The following NEK11 variants were observed in gnomAD, a reference collection of about 807,000 sequenced individuals.
NEK11 encodes serine/threonine-protein kinase Nek11.
Under a neutral mutation model 80.7 loss-of-function variants are expected in NEK11, and 72 were observed. The ratio of observed to expected loss-of-function variants is 0.89; its 90% CI spans 0.74 to 1.08. NEK11 has a LOEUF of 1.08. NEK11 is among the 50% of genes least tolerant of loss of function. The probability of loss-of-function intolerance (pLI) is 0.00; values close to 1 mark genes in which losing one functional copy is unlikely to be tolerated. For synonymous variants in NEK11, 251 were observed against 260.7 expected (o/e 0.96, Z 0.36); for missense variants, 764 against 763.6 (o/e 1.00, Z -0.01).
chr3:131,093,208 T>C (rs2076968726), intron 4 of NEK11, among the ~76,000 whole-genome samples: 2 of 152,202 alleles, frequency 1.3e-5, no homozygotes, highest in Non-Finnish European at 2.9e-5. Flanking sequence ...AAGGGTCCAT[T>C]ATTGAATCAT....
At chr3:131,265,246 A>G (rs1581113226) in intron 16 of NEK11, among the ~76,000 whole-genome samples, 2 of 152,106 alleles carry the variant, frequency 1.3e-5, no homozygotes, top group African/African-American at 4.8e-5. Context: ...TACTTCCAAT[A>G]CTATGTTGAA....
chr3:131,152,291 C>A, intron 7 of NEK11, 97 bp from the exon 8 acceptor site: 1 of 1,026,052 alleles, frequency 9.7e-7, no homozygotes, highest in Non-Finnish European at 1.4e-6. Context: ...GTTTGTGCCT[C>A]ACAGCCAATG....
intron 5 of NEK11, among the ~76,000 whole-genome samples, chr3:131,130,052 A>G (rs1221633471): frequency 2.0e-5 from 3 of 152,172 alleles, no homozygotes; most frequent in African/African-American, 7.2e-5. Context: ...TATTGAGTCT[A>G]CCTATCCATG....
intron 17 of NEK11, among the ~76,000 whole-genome samples, chr3:131,348,676 C>G (rs770877227): frequency 7.3e-5 from 11 of 150,608 alleles, no homozygotes; most frequent in South Asian, 4.2e-4. Context: ...AATAAACATA[C>G]TAGATATGGC....
intron 5 of NEK11, among the ~76,000 whole-genome samples, chr3:131,117,632 G>A (rs906735466): frequency 6.6e-6 from 1 of 152,052 alleles, no homozygotes; most frequent in Admixed American, 6.5e-5. Context: ...CCATTTCTTT[G>A]TGTCCTCTTT....
At chr3:131,148,155 G>A (rs758976705) in intron 7 of NEK11, among the ~76,000 whole-genome samples, 93 of 151,650 alleles carry the variant, frequency 6.1e-4, no homozygotes, top group Non-Finnish European at 1.0e-3. Flanking sequence ...TTTCTATAAT[G>A]AGATATATTT....
At chr3:131,123,299 TG>T (rs1431396516) in intron 5 of NEK11, among the ~76,000 whole-genome samples, 4 of 152,272 alleles carry the variant, frequency 2.6e-5, no homozygotes, top group African/African-American at 9.6e-5. Flanking sequence ...CCCAAGTAGC[TG>T]GGATTACAGG....
Position 131,162,257 on chromosome 3 carries a change from A to G in NEK11, c.963-151A>G, listed in dbSNP as rs1579342139. The G allele has an allele frequency of 3.5e-6, 3 of 865,458 alleles. No individual in the cohort carries two copies. In the African/African-American group the frequency reaches 5.1e-5, roughly 15 times the overall value. The allele number at this position is 865,458 out of a possible 1,614,324, so 53.6% of individuals were successfully genotyped here. ...TATTAACTACAGTCCTGGTTGGCTC[A>G]TTACATACCCAAAGCTTATTAGTTT... On this transcript the variant is annotated intron_variant, in intron 10 of 17. Coordinates refer to ENST00000383366, the MANE Select transcript of NEK11 (RefSeq NM_024800.5).
chr3:131,063,211 G>C (rs1317287861), intron 3 of NEK11, among the ~76,000 whole-genome samples: 1 of 152,052 alleles, frequency 6.6e-6, no homozygotes, highest in Non-Finnish European at 1.5e-5. Flanking sequence ...TTTTTATAGA[G>C]AGGGGGTCTC....
At chr3:131,147,837 T>A (rs1036881920) in intron 7 of NEK11, among the ~76,000 whole-genome samples, 95 of 152,170 alleles carry the variant, frequency 6.2e-4, no homozygotes, top group Admixed American at 2.0e-3. Context: ...TAGATTTTTT[T>A]AAAAATTTAC....
chr3:131,329,147 G>T (rs2097028134), intron 17 of NEK11: 1 of 152,104 alleles, frequency 6.6e-6, no homozygotes, highest in Non-Finnish European at 1.5e-5. Context: ...GATTGTGCAG[G>T]CCCCATAAAG....
At chr3:131,073,469 T>G (rs933313736) in intron 3 of NEK11, among the ~76,000 whole-genome samples, 9 of 152,230 alleles carry the variant, frequency 5.9e-5, no homozygotes, top group African/African-American at 2.2e-4. Flanking sequence ...ATAATTTTAC[T>G]CCTTTTTTGT....
chr3:131,315,426 CA>C (rs2096827043), intron 17 of NEK11, among the ~76,000 whole-genome samples: 1 of 151,852 alleles, frequency 6.6e-6, no homozygotes, highest in Admixed American at 6.6e-5. Context: ...CACGCTGTCA[CA>C]AGTGGCAGGA....
intron 15 of NEK11, among the ~76,000 whole-genome samples, chr3:131,238,488 C>T (rs1257106855): frequency 6.6e-6 from 1 of 152,066 alleles, no homozygotes; most frequent in Non-Finnish European, 1.5e-5. Flanking sequence ...TTAGCCAGGA[C>T]ACAAACAAAG....
At chr3:131,173,367 G>A (rs565080224) in intron 14 of NEK11, among the ~76,000 whole-genome samples, 21 of 152,190 alleles carry the variant, frequency 1.4e-4, no homozygotes, top group African/African-American at 4.8e-4. Context: ...GTGCTCTGCT[G>A]GAGGACAGAG....
intron 17 of NEK11, chr3:131,328,349 T>G (rs1450089103): frequency 6.6e-6 from 1 of 152,006 alleles, no homozygotes; most frequent in Admixed American, 6.5e-5. Context: ...AGGAATATTG[T>G]TTTAAAAAAT....
chr3:131,216,926 T>C (rs763024928), intron 14 of NEK11, among the ~76,000 whole-genome samples: 12 of 152,098 alleles, frequency 7.9e-5, no homozygotes, highest in Non-Finnish European at 1.3e-4. Context: ...GCATGTGGAG[T>C]AACAGCTTCT....
At chr3:131,099,483 G>GT (rs1231765051) in intron 4 of NEK11, among the ~76,000 whole-genome samples, 1 of 152,162 alleles carries the variant, frequency 6.6e-6, no homozygotes, top group Non-Finnish European at 1.5e-5. Flanking sequence ...TGTTAGAGTA[G>GT]TTTTTTCTAA....
intron 17 of NEK11, among the ~76,000 whole-genome samples, chr3:131,342,970 G>C (rs148821242): frequency 6.6e-6 from 1 of 152,252 alleles, no homozygotes; most frequent in African/African-American, 2.4e-5. Flanking sequence ...TTGGCCATAT[G>C]AAAGTCATTG....
Sources: gnomAD v4.1 joint callset for allele counts (sites outside exome capture counted in the v4.1 genomes callset) on GRCh38, gnomAD v4.1.1 for gene constraint, MANE v1.5 for transcripts, NCBI Gene and HGNC (gene_info 2026-07-23, HGNC 2026-07-21) for gene names.